The following PPP2R3A variants were observed in gnomAD, a reference collection of about 807,000 sequenced individuals.
PPP2R3A encodes serine/threonine-protein phosphatase 2A regulatory subunit B'' subunit alpha.
In PPP2R3A, 80 loss-of-function variants were observed where a neutral mutation model predicts 106.9. The ratio of observed to expected loss-of-function variants is 0.75; its 90% confidence interval spans 0.62 to 0.90. The LOEUF is 0.90. Ranked by LOEUF, PPP2R3A falls within the 40% of genes least tolerant of loss-of-function variation. PPP2R3A has a pLI of 0.00. For missense variants in PPP2R3A, 1,386 were observed against 1,350.4 expected, an observed-to-expected ratio of 1.03 and a Z score of -0.41; for synonymous variants, 483 against 468.3, an observed-to-expected ratio of 1.03 and a Z score of -0.41.
At chr3:136,123,679 T>G (rs559683011) in intron 13 of PPP2R3A, among the ~76,000 whole-genome samples, 2 of 152,320 alleles carry the variant, frequency 1.3e-5, no homozygotes, top group East Asian at 3.9e-4. Flanking sequence ...GCTTCACTAG[T>G]GTTAAAATGC....
At chr3:135,997,627 T>A (rs910880465) in intron 1 of PPP2R3A, among the ~76,000 whole-genome samples, 5 of 152,188 alleles carry the variant, frequency 3.3e-5, no homozygotes, top group Admixed American at 3.3e-4. Flanking sequence ...AAACAACACA[T>A]TCAGAAAATA....
At chr3:136,108,650 G>A (rs1265489660) in intron 13 of PPP2R3A, among the ~76,000 whole-genome samples, 6 of 151,630 alleles carry the variant, frequency 4.0e-5, no homozygotes, top group Admixed American at 2.0e-4. Flanking sequence ...CCCCAGATTT[G>A]CATTGTGAAT....
Position 136,147,583 on chromosome 3 carries a change from G to C in PPP2R3A, c.*2417G>C, listed in dbSNP as rs1481953693. The C allele has an allele frequency of 6.6e-6, 1 of 152,538 alleles. No homozygotes were observed. Among genetic ancestry groups the C allele is most frequent in the Non-Finnish European group, 1.5e-5 (1 of 68,028 alleles). The allele number at this position is 152,538 out of a possible 1,614,324, so 9.4% of individuals were successfully genotyped here. Reference sequence around the variant, plus strand: ...ATCATGGTTAAGTATAATCATTACTGCCAAACTGGAATTTTCAAGTTATTA... The same window carrying C: ...ATCATGGTTAAGTATAATCATTACTCCCAAACTGGAATTTTCAAGTTATTA... On this transcript the variant is annotated 3_prime_UTR_variant, in exon 14 of 14. Coordinates refer to ENST00000264977, the MANE Select transcript of PPP2R3A (RefSeq NM_002718.5).
At chr3:136,036,076 G>A (rs981428330) in intron 3 of PPP2R3A, among the ~76,000 whole-genome samples, 3 of 151,848 alleles carry the variant, frequency 2.0e-5, no homozygotes, top group Non-Finnish European at 4.4e-5. Flanking sequence ...CTGAAGTTTT[G>A]ATTGTTTTTT....
intron 3 of PPP2R3A, 55 bp from the exon 4 acceptor site, chr3:136,040,804 C>A: frequency 7.0e-7 from 1 of 1,424,180 alleles, no homozygotes. Flanking sequence ...TTTCTTTGGC[C>A]GTGTCATCTC....
chr3:136,012,331 A>G (rs919930947), intron 2 of PPP2R3A, among the ~76,000 whole-genome samples: 10 of 152,120 alleles, frequency 6.6e-5, no homozygotes, highest in African/African-American at 2.4e-4. Context: ...TCCTAGAACA[A>G]CATCTACCCC....
At chr3:135,970,074 G>C (rs1325747652) in intron 1 of PPP2R3A, among the ~76,000 whole-genome samples, 1 of 152,190 alleles carries the variant, frequency 6.6e-6, no homozygotes, top group Non-Finnish European at 1.5e-5. Flanking sequence ...CTAATGCTGT[G>C]GTCCACCTAA....
intron 4 of PPP2R3A, among the ~76,000 whole-genome samples, chr3:136,046,467 A>AG (rs984257555): frequency 9.9e-5 from 15 of 151,626 alleles, no homozygotes; most frequent in South Asian, 2.1e-4. Context: ...AAAAAAAAAA[A>AG]AGAAATCCAG....
At chr3:136,020,642 ATGAAT>A (rs1559872370) in intron 2 of PPP2R3A, among the ~76,000 whole-genome samples, 1 of 151,988 alleles carries the variant, frequency 6.6e-6, no homozygotes, top group Non-Finnish European at 1.5e-5. Context: ...AGTTTATGTA[ATGAAT>A]TGAATAATTA....
intron 13 of PPP2R3A, among the ~76,000 whole-genome samples, chr3:136,144,532 A>G (rs1403862645): frequency 6.6e-6 from 1 of 152,032 alleles, no homozygotes; most frequent in Non-Finnish European, 1.5e-5. Flanking sequence ...GTGGTGGCGC[A>G]TGCATGTAGT....
At chr3:136,123,786 A>G (rs570623234) in intron 13 of PPP2R3A, among the ~76,000 whole-genome samples, 1 of 152,238 alleles carries the variant, frequency 6.6e-6, no homozygotes, top group African/African-American at 2.4e-5. Context: ...GGAGAAATAG[A>G]TAAGTCAACA....
intron 2 of PPP2R3A, among the ~76,000 whole-genome samples, chr3:136,020,251 A>T (rs1159636096): frequency 6.6e-6 from 1 of 152,100 alleles, no homozygotes; most frequent in African/African-American, 2.4e-5. Context: ...ATCATAAACT[A>T]TATGTGTGTG....
intron 13 of PPP2R3A, among the ~76,000 whole-genome samples, chr3:136,129,804 A>G (rs1938330964): frequency 6.6e-6 from 1 of 152,228 alleles, no homozygotes; most frequent in Admixed American, 6.5e-5. Flanking sequence ...TACATCAAAA[A>G]GCTTATCCAC....
At chr3:136,012,695 C>T (rs933657675) in intron 2 of PPP2R3A, among the ~76,000 whole-genome samples, 5 of 152,078 alleles carry the variant, frequency 3.3e-5, no homozygotes, top group African/African-American at 7.2e-5. Flanking sequence ...CTAGTATTAA[C>T]TAATTAGCTT....
At chr3:136,101,937 A>C (rs1937370331) in intron 10 of PPP2R3A, 70 bp from the exon 11 acceptor site, 1 of 1,440,766 alleles carries the variant, frequency 6.9e-7, no homozygotes, top group Admixed American at 2.2e-5. Context: ...ACTTTAAAAG[A>C]AACATACTAA....
At position 136,147,286 on chromosome 3, in the gene PPP2R3A, C is replaced by G. The variant is rs1238091953; in HGVS notation, c.*2120C>G. 6.6e-6 allele frequency: 1 copy of G among 152,582 alleles called. No homozygotes were observed. The highest frequency in any genetic ancestry group is 1.5e-5 in the Non-Finnish European group (1 of 68,108). The allele number at this position is 152,582 out of a possible 1,614,324, so 9.5% of individuals were successfully genotyped here. A position where few individuals can be genotyped will look rare whatever the true frequency, so the allele number is the denominator to read the frequency against. On this transcript the variant is annotated 3_prime_UTR_variant, in exon 14 of 14. Coordinates refer to ENST00000264977, the MANE Select transcript of PPP2R3A (RefSeq NM_002718.5). ...GGCTGAGGCAGGAGAATCGCTTGAG[C>G]CCCAGGCTTCGAGGCTGCAGTGAGC...
chr3:136,010,304 G>T (rs1218109975), intron 2 of PPP2R3A, among the ~76,000 whole-genome samples: 1 of 145,466 alleles, frequency 6.9e-6, no homozygotes, highest in African/African-American at 2.5e-5. Flanking sequence ...TATTGCCCAG[G>T]CTGGAGTGCA....
At chr3:136,000,016 C>T (rs529126709) in intron 1 of PPP2R3A, among the ~76,000 whole-genome samples, 2 of 152,240 alleles carry the variant, frequency 1.3e-5, no homozygotes, top group East Asian at 3.9e-4. Context: ...CACTCTAGGG[C>T]CTTTGTACTT....
chr3:135,973,289 T>C (rs1937296719), intron 1 of PPP2R3A, among the ~76,000 whole-genome samples: 1 of 152,216 alleles, frequency 6.6e-6, no homozygotes, highest in South Asian at 2.1e-4. Context: ...AGAGGATATA[T>C]GTATTACCAC....
Sources: gnomAD v4.1 joint callset for allele counts (sites outside exome capture counted in the v4.1 genomes callset) on GRCh38, gnomAD v4.1.1 for gene constraint, MANE v1.5 for transcripts, NCBI Gene and HGNC (gene_info 2026-07-23, HGNC 2026-07-21) for gene names.